MACROD1: variants seen among roughly 807,000 people sequenced by gnomAD.
MACROD1 encodes the protein ADP-ribose glycohydrolase MACROD1.
A neutral mutation model predicts 41.4 loss-of-function variants in MACROD1; 31 were observed. The ratio of observed to expected loss-of-function variants is 0.75; its 90% CI spans 0.56 to 1.01. MACROD1 has a LOEUF of 1.01. MACROD1 is among the 50% of genes least tolerant of loss of function. The pLI is 0.00. For synonymous variants in MACROD1, 252 were observed against 203.4 expected, an observed-to-expected ratio of 1.24 and a Z score of -2.03; for missense variants, 473 against 460.0, an observed-to-expected ratio of 1.03 and a Z score of -0.26.
chr11:64,090,801 CTCTGGGGCTCTGCAGAA>C lies in MACROD1; in HGVS notation c.517+60421_517+60437del, dbSNP rs1259042406. On this transcript the variant is annotated intron_variant, in intron 3 of 10. Coordinates refer to ENST00000255681, the MANE Select transcript of MACROD1 (RefSeq NM_014067.4). This position sits in a 1 kb window ranked among gnomAD's most constrained non-coding sequence, Gnocchi z 4.7. ...TCTCCACCAGGCACTTGGGGTTTGT[CTCTGGGGCTCTGCAGAA>C]GCAGAGCCCGAGTCGGGTCCAGCCC... Among the ~76,000 whole-genome samples the C allele has an allele frequency of 9.9e-5, 15 of 152,012 alleles. No homozygotes were observed. The highest frequency in any genetic ancestry group is 1.5e-4 in the Non-Finnish European group (10 of 68,006).
intron 3 of MACROD1, among the ~76,000 whole-genome samples, chr11:64,112,356 T>C (rs1019391780): frequency 6.6e-6 from 1 of 151,796 alleles, no homozygotes; most frequent in Non-Finnish European, 1.5e-5. Flanking sequence ...CTACTAAAAA[T>C]ACAAAAAATT....
chr11:64,068,472 C>T (rs1944046033), intron 3 of MACROD1, among the ~76,000 whole-genome samples: 1 of 152,250 alleles, frequency 6.6e-6, no homozygotes, highest in African/African-American at 2.4e-5. Context: ...TAAGGGCTGG[C>T]ACAGATTGGA....
In MACROD1 at chr11:64,074,778, A is replaced by G. The variant is rs117064928; in HGVS notation, c.518-59497T>C. On this transcript the variant is annotated intron_variant, in intron 3 of 10. Coordinates refer to ENST00000255681, the MANE Select transcript of MACROD1 (RefSeq NM_014067.4). ...GCTCCAGGCTTCTCATGAAACAAGC[A>G]GGTTATTGAATGGAGTCACTCCCCA... Among the ~76,000 whole-genome samples the G allele has an allele frequency of 6.7e-3, 1,016 of 152,248 alleles. 11 individuals carry two copies. Among genetic ancestry groups the G allele is most frequent in the Middle Eastern group, 0.014 (4 of 294 alleles).
At chr11:64,084,159 C>T (rs551376986) in intron 3 of MACROD1, among the ~76,000 whole-genome samples, 4 of 152,154 alleles carry the variant, frequency 2.6e-5, no homozygotes, top group African/African-American at 7.2e-5. Context: ...ATGGCACGCG[C>T]GCCTTCTGCA....
intron 3 of MACROD1, among the ~76,000 whole-genome samples, chr11:64,077,469 G>A (rs1944223658): frequency 6.6e-6 from 1 of 152,152 alleles, no homozygotes; most frequent in South Asian, 2.1e-4. Context: ...CATCAGCCTT[G>A]CCTCAGGACC....
At chr11:64,001,048 T>C (rs1446983522) in intron 4 of MACROD1, 3 of 230,202 alleles carry the variant, frequency 1.3e-5, no homozygotes, top group African/African-American at 4.6e-5. Context: ...CGGCCCCGCA[T>C]GGGCTTGTTT....
At chr11:64,149,291 T>C (rs1404611433) in intron 3 of MACROD1, among the ~76,000 whole-genome samples, 1 of 152,108 alleles carries the variant, frequency 6.6e-6, no homozygotes. Context: ...CCCAGTAACC[T>C]GACGGGTGGT....
intron 4 of MACROD1, among the ~76,000 whole-genome samples, chr11:64,002,882 C>T (rs972870038): frequency 1.3e-5 from 2 of 152,158 alleles, no homozygotes; most frequent in South Asian, 2.1e-4. Context: ...TGGAAAAGAC[C>T]AGCAGCCCTG....
At position 64,165,698 on chromosome 11, in the gene MACROD1, T is replaced by C. The variant is rs1230504693; in HGVS notation, c.297A>G (p.Lys99=). ...LSTSTDWKEA[K]SFLKGLSDKQ... The stretch of plus-strand genomic sequence containing the variant: ...GCGCCCCCTCGTGCTTACACTTACA[T>C]TTCGCCTCCTTCCAGTCGGTGGAGG... Residue 99 remains lysine, a splice_region_variant and synonymous_variant, in exon 1 of 11, where the codon AAA becomes AAG. Transcript: ENST00000255681. 1.2e-5 allele frequency: 18 copies of C among 1,446,174 alleles called. No individual in the cohort carries two copies. The highest frequency in any genetic ancestry group is 1.6e-5 in the Non-Finnish European group (18 of 1,096,532). The allele number at this position is 1,446,174 out of a possible 1,614,324, so 89.6% of individuals were successfully genotyped here.
chr11:64,070,299 C>CCCCAAGCCTTGGGGAAGGGGAA (rs1320359021), intron 3 of MACROD1, among the ~76,000 whole-genome samples: 1 of 152,092 alleles, frequency 6.6e-6, no homozygotes, highest in Non-Finnish European at 1.5e-5. Flanking sequence ...GGGAAGGAAT[C>CCCCAAGCCTTGGGGAAGGGGAA]GGAGCCTCCT....
chr11:64,016,909 G>A (rs1427175294), intron 3 of MACROD1, among the ~76,000 whole-genome samples: 2 of 152,230 alleles, frequency 1.3e-5, no homozygotes, highest in Non-Finnish European at 2.9e-5. Flanking sequence ...GGCTGCAGAG[G>A]GGCGGGCCCC....
intron 3 of MACROD1, among the ~76,000 whole-genome samples, chr11:64,041,549 A>G (rs1396319509): frequency 1.3e-5 from 2 of 151,990 alleles, no homozygotes; most frequent in Non-Finnish European, 1.5e-5. Flanking sequence ...GAGTGGTCGC[A>G]GAGGTGGGGC....
chr11:64,018,488 A>C (rs568930), intron 3 of MACROD1, among the ~76,000 whole-genome samples: 72,551 of 151,974 alleles, frequency 0.48, 17,701 homozygotes, highest in South Asian at 0.64. Context: ...GAGCCTAGGG[A>C]GGCTGTGCCA....
intron 3 of MACROD1, among the ~76,000 whole-genome samples, chr11:64,023,253 CT>C (rs1943181093): frequency 2.6e-5 from 4 of 152,082 alleles, no homozygotes; most frequent in Admixed American, 2.6e-4. Flanking sequence ...AATGACTTGC[CT>C]AAGGCCACAG....
chr11:64,093,055 T>C (rs899012074), intron 3 of MACROD1, among the ~76,000 whole-genome samples: 7 of 151,092 alleles, frequency 4.6e-5, no homozygotes, highest in African/African-American at 1.7e-4. Context: ...GAGAGAGGAG[T>C]GAGTTTGCAT....
At chr11:64,147,393 TTC>T (rs1491428166) in intron 3 of MACROD1, among the ~76,000 whole-genome samples, 2 of 150,218 alleles carry the variant, frequency 1.3e-5, no homozygotes, top group African/African-American at 4.9e-5. Context: ...TTTTCTTTCT[TTC>T]TTTTTTTTTT....
intron 2 of MACROD1, among the ~76,000 whole-genome samples, 161 bp downstream of exon 2, chr11:64,152,131 A>AAAAAT (rs1478004403): frequency 6.6e-6 from 1 of 152,236 alleles, no homozygotes; most frequent in African/African-American, 2.4e-5. Context: ...TTCCATCTCA[A>AAAAAT]AAAATAAAAT....
intron 3 of MACROD1, chr11:64,117,965 C>T (rs1279790954): frequency 6.2e-7 from 1 of 1,613,684 alleles, no homozygotes; most frequent in African/African-American, 1.3e-5. Context: ...TGGTCTTCCT[C>T]TTCCTGGTCC....
rs1157958377 is a variant in MACROD1 at position 64,122,737 on chromosome 11, T to C, written c.517+28502A>G. Among the ~76,000 whole-genome samples the C allele has an allele frequency of 1.3e-5, 2 of 152,138 alleles. No homozygotes were observed. The highest frequency in any genetic ancestry group is 4.8e-5 in the African/African-American group (2 of 41,430). ...TGCTCCAGAGGCCAAGTGGGGGCCC[T>C]TCCCCGCTGCTGGTGCTGAAAGGTT... On this transcript the variant is annotated intron_variant, in intron 3 of 10. Transcript: ENST00000255681. This position sits in a 1 kb window ranked among gnomAD's most constrained non-coding sequence, Gnocchi z 4.0.
Sources: allele counts gnomAD v4.1 joint callset (sites outside exome capture counted in the v4.1 genomes callset), GRCh38; gene constraint gnomAD v4.1.1; non-coding constraint Gnocchi (gnomAD v3.1); transcripts MANE v1.5; gene names NCBI Gene and HGNC (gene_info 2026-07-23, HGNC 2026-07-21).